The following DNAJC12 variants were observed in gnomAD, a reference collection of about 807,000 sequenced individuals.
DNAJC12 encodes the protein DnaJ heat shock protein family (Hsp40) member C12.
DNAJC12 carries 25 observed loss-of-function variants against 28.5 expected under a neutral mutation model. The observed-to-expected ratio is 0.88, with a 90% CI of 0.64 to 1.22. The LOEUF is 1.22. Ranked by LOEUF, DNAJC12 falls within the 50% of genes most tolerant of loss-of-function variation. The pLI is 0.00. For synonymous variants in DNAJC12, 77 were observed against 80.6 expected (o/e 0.95, Z 0.24); for missense variants, 222 against 231.7 (o/e 0.96, Z 0.27).
intron 3 of DNAJC12, among the ~76,000 whole-genome samples, chr10:67,809,558 G>A (rs1351787147): frequency 1.3e-5 from 2 of 152,094 alleles, no homozygotes; most frequent in Non-Finnish European, 2.9e-5. Flanking sequence ...AGGTAGTAAA[G>A]TGACAGACTT....
chr10:67,811,608 ACT>A lies in DNAJC12; in HGVS notation c.211_212del (p.Arg72SerfsTer4). The A allele has an allele frequency of 5.0e-6, 8 of 1,613,798 alleles. No homozygotes were observed. The highest frequency in any genetic ancestry group is 6.8e-6 in the Non-Finnish European group (8 of 1,179,946). On this transcript the variant is annotated frameshift_variant, in exon 3 of 5. Transcript: ENST00000225171. LOFTEE classifies it high-confidence loss of function. ...TTCGCCAGTGGTCATAGCGGGCTCG[ACT>A]CTCTTCATTGGTCAGAATCTCCTTT... ...KAKEILTNEESRARYDHWRRS... is the reference protein window; with the variant it reads ...KAKEILTNEEXRARYDHWRRS...
chr10:67,805,848 TA>T (rs1841795392), intron 3 of DNAJC12, 61 bp from the exon 4 acceptor site: 1 of 1,333,054 alleles, frequency 7.5e-7, no homozygotes, highest in African/African-American at 1.5e-5. Flanking sequence ...TTTCTATATT[TA>T]AAGTTTGATA....
intron 2 of DNAJC12, among the ~76,000 whole-genome samples, chr10:67,817,859 T>C (rs1841931353): frequency 6.6e-6 from 1 of 151,484 alleles, no homozygotes; most frequent in African/African-American, 2.4e-5. Flanking sequence ...GTTCGGGCGA[T>C]AGAGCAAGAC....
intron 1 of DNAJC12, among the ~76,000 whole-genome samples, chr10:67,829,934 G>A (rs1173378087): frequency 1.3e-5 from 2 of 151,868 alleles, no homozygotes; most frequent in East Asian, 3.9e-4. Context: ...TAATATGTAA[G>A]TATTATGTGC....
rs897632068 is a variant in DNAJC12 at position 67,820,074 on chromosome 10, G to A, written c.157+3240C>T. Among the ~76,000 whole-genome samples the A allele has an allele frequency of 3.3e-5, 5 of 152,200 alleles. No homozygotes were observed. In the East Asian group the frequency reaches 9.6e-4, roughly 29 times the overall value. On this transcript the variant is annotated intron_variant, in intron 2 of 4. Transcript: ENST00000225171. ...TGGTCAGCTGAGACCTGACACAGAA[G>A]CACAAACTGGCCAAGTAGTCAGGGA... is the stretch of plus-strand genomic sequence containing the variant.
At chr10:67,806,853 G>A (rs1381015820) in intron 3 of DNAJC12, among the ~76,000 whole-genome samples, 1 of 150,520 alleles carries the variant, frequency 6.6e-6, no homozygotes, top group Non-Finnish European at 1.5e-5. Flanking sequence ...AAAGAAATGG[G>A]AAGGAAAGGC....
At position 67,797,056 on chromosome 10, in the gene DNAJC12, T is replaced by G; in HGVS notation, c.*60A>C. On this transcript the variant is annotated 3_prime_UTR_variant, in exon 5 of 5. Coordinates refer to ENST00000225171, the MANE Select transcript of DNAJC12 (RefSeq NM_021800.3). The stretch of plus-strand genomic sequence containing the variant: ...ACATTTTTAAGACATAAACAAAGAC[T>G]GCATGTTGGCAGCATAGGGGACAGT... 4.5e-6 allele frequency: 6 copies of G among 1,321,494 alleles called. No individual in the cohort carries two copies. The highest frequency in any genetic ancestry group is 6.4e-6 in the Non-Finnish European group (6 of 934,428). The allele number at this position is 1,321,494 out of a possible 1,614,324, so 81.9% of individuals were successfully genotyped here.
chr10:67,826,822 T>TATATTAG (rs1842040102), intron 1 of DNAJC12, among the ~76,000 whole-genome samples: 4 of 131,470 alleles, frequency 3.0e-5, no homozygotes, highest in African/African-American at 1.1e-4. Flanking sequence ...ATATATAATA[T>TATATTAG]ATATCATATA....
At chr10:67,824,253 A>T (rs1013560074) in intron 1 of DNAJC12, among the ~76,000 whole-genome samples, 126 of 150,478 alleles carry the variant, frequency 8.4e-4, no homozygotes, top group Non-Finnish European at 1.5e-3. Context: ...AAAAAAAAAA[A>T]ATATTTAAAT....
At chr10:67,830,026 T>G (rs945758984) in intron 1 of DNAJC12, among the ~76,000 whole-genome samples, 1 of 151,990 alleles carries the variant, frequency 6.6e-6, no homozygotes, top group Non-Finnish European at 1.5e-5. Flanking sequence ...CATTTTAAAT[T>G]TATTGACCTG....
At chr10:67,815,430 C>T (rs964934977) in intron 2 of DNAJC12, among the ~76,000 whole-genome samples, 8 of 150,738 alleles carry the variant, frequency 5.3e-5, no homozygotes, top group Admixed American at 5.3e-4. Context: ...ATCGCTTGAA[C>T]CCAGGAGGTG....
chr10:67,803,501 A>C (rs564167152), intron 4 of DNAJC12, among the ~76,000 whole-genome samples: 7 of 152,352 alleles, frequency 4.6e-5, no homozygotes, highest in African/African-American at 1.7e-4. Flanking sequence ...TTTAACAGCA[A>C]GTCTATACTA....
intron 1 of DNAJC12, chr10:67,833,926 A>T: frequency 2.1e-6 from 1 of 474,718 alleles, no homozygotes; most frequent in Admixed American, 2.3e-5. Flanking sequence ...GGTGAGTTTG[A>T]ACCCAAAATG....
In DNAJC12 at chr10:67,797,212, T is replaced by G. The variant is rs1311035667; in HGVS notation, c.503-2A>C. 1.9e-6 allele frequency: 3 copies of G among 1,612,230 alleles called. No homozygotes were observed. In the East Asian group the frequency reaches 6.7e-5, roughly 36 times the overall value. ...GCCAACCATTCACATCTGCAAAACC[T>G]TTAAAGGAAAGAAAGTAAATATTTA... On this transcript the variant is annotated splice_acceptor_variant, in intron 4 of 4. Transcript: ENST00000225171. LOFTEE classifies it high-confidence loss of function.
chr10:67,822,498 A>G (rs1841990598), intron 2 of DNAJC12, among the ~76,000 whole-genome samples: 1 of 151,362 alleles, frequency 6.6e-6, no homozygotes. Flanking sequence ...CCTTTTCGGG[A>G]AGTCTGGGTC....
At chr10:67,818,528 A>G (rs1027092821) in intron 2 of DNAJC12, among the ~76,000 whole-genome samples, 1 of 152,228 alleles carries the variant, frequency 6.6e-6, no homozygotes, top group African/African-American at 2.4e-5. Flanking sequence ...ACAGTGATTC[A>G]TCATGTATCC....
chr10:67,833,432 C>T (rs10997826), intron 1 of DNAJC12, among the ~76,000 whole-genome samples: 6 of 70,384 alleles, frequency 8.5e-5, no homozygotes, highest in Non-Finnish European at 1.9e-4. Context: ...TCTCTCTCTC[C>T]CTCTCCCTCT....
chr10:67,837,042 TAA>T (rs1342158845), intron 1 of DNAJC12, among the ~76,000 whole-genome samples: 1 of 151,430 alleles, frequency 6.6e-6, no homozygotes, highest in African/African-American at 2.4e-5. Context: ...TATTTAACAA[TAA>T]GAGAATAATT....
Position 67,800,718 on chromosome 10 carries a change from G to T in DNAJC12, c.503-3508C>A, listed in dbSNP as rs538855158. Among the ~76,000 whole-genome samples the T allele has an allele frequency of 2.0e-5, 3 of 152,152 alleles. No individual in the cohort carries two copies. In the South Asian group the frequency reaches 6.2e-4, roughly 32 times the overall value. On this transcript the variant is annotated intron_variant, in intron 4 of 4. Transcript: ENST00000225171. ...CCCAGTGCTTTGGTGGGCCGAGGTGGGCAGATCACGAGGTCAGGAGTTCGA... is the reference window on the plus strand; with the variant it reads ...CCCAGTGCTTTGGTGGGCCGAGGTGTGCAGATCACGAGGTCAGGAGTTCGA...
Sources: allele counts gnomAD v4.1 joint callset (sites outside exome capture counted in the v4.1 genomes callset), GRCh38; gene constraint gnomAD v4.1.1; transcripts MANE v1.5; gene names NCBI Gene and HGNC (gene_info 2026-07-23, HGNC 2026-07-21).